LMTK2: variants seen among roughly 807,000 people sequenced by gnomAD.
LMTK2 encodes serine/threonine-protein kinase LMTK2.
LMTK2 carries 37 observed loss-of-function variants against 127.5 expected under a neutral mutation model. That is an observed-to-expected ratio of 0.29 (90% CI 0.22 to 0.38). The LOEUF is 0.38. Ranked by LOEUF, LMTK2 falls within the 10% of genes least tolerant of loss-of-function variation. The pLI, the probability that LMTK2 is intolerant of heterozygous loss-of-function variation, is 1.00. For missense variants in LMTK2, 1,694 were observed against 1,920.3 expected, an observed-to-expected ratio of 0.88 and a Z score of 2.20; for synonymous variants, 819 against 810.1, an observed-to-expected ratio of 1.01 and a Z score of -0.19.
At chr7:98,153,949 T>A (rs1020880059) in intron 4 of LMTK2, among the ~76,000 whole-genome samples, 1 of 152,244 alleles carries the variant, frequency 6.6e-6, no homozygotes, top group African/African-American at 2.4e-5. Flanking sequence ...ATAAACACAT[T>A]GAGTTCTGTT....
Position 98,168,404 on chromosome 7 carries a change from G to A in LMTK2, c.658-3137G>A, listed in dbSNP as rs564211961. Among the ~76,000 whole-genome samples the A allele has an allele frequency of 3.3e-5, 5 of 152,378 alleles. No individual in the cohort carries two copies. In the South Asian group the frequency reaches 1.0e-3, roughly 32 times the overall value. On this transcript the variant is annotated intron_variant, in intron 6 of 13. Transcript: ENST00000297293. Reference sequence around the variant, plus strand: ...GGGAAGCGAGGCCCCGGGCTTCGCGGAGGCGTGGCGGCGTCAGCTGCCCCA... The same window carrying A: ...GGGAAGCGAGGCCCCGGGCTTCGCGAAGGCGTGGCGGCGTCAGCTGCCCCA...
chr7:98,167,247 T>G (rs1044088820), intron 6 of LMTK2, among the ~76,000 whole-genome samples: 3 of 152,252 alleles, frequency 2.0e-5, no homozygotes, highest in African/African-American at 7.2e-5. Context: ...ACACATGCTG[T>G]GTGCCCAGCA....
rs748401974 is a variant in LMTK2, at chr7:98,193,834, C to T, written c.3369C>T (p.Thr1123=). ...PEKRSEEVPG[T]SPSALVLVQE... is the part of the protein sequence containing the mutation. ...AAAGGTCTGAGGAGGTCCCGGGAAC[C>T]TCCCCATCCGCCTTGGTGTTGGTAC... Residue 1123 remains threonine, a synonymous_variant, in exon 11 of 14, where the codon ACC becomes ACT. Coordinates refer to ENST00000297293, the MANE Select transcript of LMTK2 (RefSeq NM_014916.4). This position sits in a 1 kb window ranked among gnomAD's most constrained non-coding sequence, Gnocchi z 4.1. The T allele has an allele frequency of 3.1e-6, 5 of 1,614,070 alleles. No homozygotes were observed. Among genetic ancestry groups the T allele is most frequent in the Non-Finnish European group, 4.2e-6 (5 of 1,180,030 alleles).
At chr7:98,142,720 A>G (rs1796717606) in intron 3 of LMTK2, among the ~76,000 whole-genome samples, 1 of 152,236 alleles carries the variant, frequency 6.6e-6, no homozygotes. Flanking sequence ...TTTCTGACAC[A>G]TGGACCCAGA....
chr7:98,190,897 G>T lies in LMTK2; in HGVS notation c.1148+20G>T, dbSNP rs369272532. The T allele has an allele frequency of 3.1e-6, 5 of 1,611,482 alleles. No homozygotes were observed. In the South Asian group the frequency reaches 4.4e-5, roughly 14 times the overall value. The stretch of plus-strand genomic sequence containing the variant: ...TAGATGGTTGGTAGCCTCACATTCC[G>T]CCTGTTCTGTTTCGTCTTCACTGTG... On this transcript the variant is annotated intron_variant, in intron 10 of 13. Coordinates refer to ENST00000297293, the MANE Select transcript of LMTK2 (RefSeq NM_014916.4).
intron 7 of LMTK2, among the ~76,000 whole-genome samples, chr7:98,182,888 C>T (rs552138168): frequency 3.3e-4 from 51 of 152,342 alleles, no homozygotes; most frequent in Non-Finnish European, 6.3e-4. Context: ...CTCATCCTCT[C>T]AGCCAAGGAC....
chr7:98,114,616 A>T lies in LMTK2; in HGVS notation c.103+7336A>T, dbSNP rs75322142. On this transcript the variant is annotated intron_variant, in intron 1 of 13. Transcript: ENST00000297293. The stretch of plus-strand genomic sequence containing the variant: ...GTGTGCAGGACCTTGTGCTATGGCT[A>T]AAGTAGCCCCTGTCTCCCTGCATCT... Among the ~76,000 whole-genome samples the T allele has an allele frequency of 1.8e-3, 267 of 152,222 alleles. 3 individuals are homozygous for T. In the East Asian group the frequency reaches 0.036, roughly 21 times the overall value.
intron 1 of LMTK2, 36 bp from the exon 2 acceptor site, chr7:98,137,279 G>C (rs542857468): frequency 1.9e-6 from 3 of 1,588,996 alleles, no homozygotes; most frequent in Non-Finnish European, 2.6e-6. Flanking sequence ...ATTTTGGAAT[G>C]TACATGTTTT....
intron 1 of LMTK2, among the ~76,000 whole-genome samples, chr7:98,111,114 T>C (rs986680484): frequency 9.2e-5 from 14 of 152,258 alleles, no homozygotes; most frequent in African/African-American, 3.4e-4. Context: ...TAACTAAATA[T>C]GCTCATTTGA....
intron 7 of LMTK2, among the ~76,000 whole-genome samples, chr7:98,184,520 G>T (rs1186917351): frequency 4.6e-5 from 7 of 152,102 alleles, no homozygotes; most frequent in Non-Finnish European, 8.8e-5. Context: ...CCTATGAGCT[G>T]AAAGCCTCCA....
intron 3 of LMTK2, among the ~76,000 whole-genome samples, chr7:98,146,173 T>C (rs779066450): frequency 2.0e-5 from 3 of 152,210 alleles, no homozygotes; most frequent in Non-Finnish European, 4.4e-5. Flanking sequence ...ATACAGACTC[T>C]TGATCTGTAT....
intron 1 of LMTK2, among the ~76,000 whole-genome samples, chr7:98,124,908 C>G (rs572642729): frequency 4.6e-5 from 7 of 152,214 alleles, no homozygotes; most frequent in Non-Finnish European, 1.0e-4. Flanking sequence ...TAAATATTGA[C>G]TATTTTTATA....
chr7:98,167,505 G>A (rs1056911604), intron 6 of LMTK2, among the ~76,000 whole-genome samples: 6 of 152,210 alleles, frequency 3.9e-5, no homozygotes, highest in African/African-American at 7.2e-5. Flanking sequence ...CCACAGCAGC[G>A]GAGGCATGGG....
chr7:98,205,846 C>T lies in LMTK2; in HGVS notation c.*354C>T, dbSNP rs914376144. On this transcript the variant is annotated 3_prime_UTR_variant, in exon 14 of 14. Transcript: ENST00000297293. ...ACCGCATGTGTGCTTTCCACAGGGG[C>T]GTCTCTGCGTCCACGCCTGCACATC... is the stretch of plus-strand genomic sequence containing the variant. 4 of 311,828 alleles carry T rather than the reference C, an allele frequency of 1.3e-5. No individual in the cohort carries two copies. The highest frequency in any genetic ancestry group is 2.4e-5 in the Non-Finnish European group (4 of 163,956). 19.3% of individuals were successfully genotyped at this position (311,828 alleles called of 1,614,324 possible). A position where few individuals can be genotyped will look rare whatever the true frequency, so the allele number is the denominator to read the frequency against.
At chr7:98,145,251 A>G (rs188502506) in intron 3 of LMTK2, among the ~76,000 whole-genome samples, 1 of 145,228 alleles carries the variant, frequency 6.9e-6, no homozygotes, top group East Asian at 2.0e-4. Context: ...AGAAAGGGAA[A>G]TGAAGAGGGA....
In LMTK2 at chr7:98,115,500, G is replaced by T. The variant is rs191002750; in HGVS notation, c.103+8220G>T. Among the ~76,000 whole-genome samples the T allele has an allele frequency of 1.5e-4, 23 of 152,154 alleles. No individual in the cohort carries two copies. In the East Asian group the frequency reaches 4.1e-3, roughly 27 times the overall value. ...GAGAGAGGAGAGAGAAATTACTGCT[G>T]GCTGAAATCAAGAAAGGTTTGGTTT... is the stretch of plus-strand genomic sequence containing the variant. On this transcript the variant is annotated intron_variant, in intron 1 of 13. Transcript: ENST00000297293.
intron 5 of LMTK2, among the ~76,000 whole-genome samples, chr7:98,156,546 A>G (rs1184714699): frequency 6.6e-6 from 1 of 152,200 alleles, no homozygotes. Context: ...TCCCTCATAC[A>G]TTGCTTGTGG....
intron 1 of LMTK2, among the ~76,000 whole-genome samples, chr7:98,128,068 C>A (rs938399284): frequency 6.6e-6 from 1 of 152,072 alleles, no homozygotes; most frequent in South Asian, 2.1e-4. Context: ...CGCTTGAACC[C>A]GGGAGGTGGA....
intron 4 of LMTK2, 150 bp downstream of exon 4, chr7:98,151,605 GGGGC>G (rs1468182951): frequency 4.9e-6 from 3 of 609,014 alleles, no homozygotes; most frequent in Non-Finnish European, 5.7e-6. Context: ...TGGCAGCGTG[GGGGC>G]GTGAGCTTCA....
Sources: gnomAD v4.1 joint callset for allele counts (sites outside exome capture counted in the v4.1 genomes callset) on GRCh38, gnomAD v4.1.1 for gene constraint, Gnocchi (gnomAD v3.1) non-coding constraint, MANE v1.5 for transcripts, NCBI Gene and HGNC (gene_info 2026-07-23, HGNC 2026-07-21) for gene names.